Variants in FGD5 observed in about 807,000 individuals in gnomAD.
FGD5 encodes the protein FYVE, RhoGEF and PH domain-containing protein 5.
A neutral mutation model predicts 133.4 loss-of-function variants in FGD5; 28 were observed. That is an observed-to-expected ratio of 0.21 (90% CI 0.16 to 0.29). The LOEUF (loss-of-function observed/expected upper bound fraction) is 0.29. Among genes scored for constraint, FGD5 ranks in the 10% least tolerant of loss-of-function variants. The pLI, the probability that FGD5 is intolerant of heterozygous loss-of-function variation, is 1.00. For missense variants in FGD5, 1,858 were observed against 1,895.2 expected (o/e 0.98, Z 0.36); for synonymous variants, 810 against 776.5 (o/e 1.04, Z -0.72).
intron 19 of FGD5, 141 bp from the exon 20 acceptor site, chr3:14,932,990 G>A: frequency 9.1e-7 from 1 of 1,104,554 alleles, no homozygotes; most frequent in Non-Finnish European, 1.3e-6. Flanking sequence ...TAGAAAACAT[G>A]TTTGAGAAAC....
At chr3:14,811,063 C>G (rs981218190) in intron 1 of FGD5, among the ~76,000 whole-genome samples, 1 of 152,120 alleles carries the variant, frequency 6.6e-6, no homozygotes, top group Non-Finnish European at 1.5e-5. Flanking sequence ...GGGTCCCCGT[C>G]CGAAGCGCCC....
At chr3:14,845,578 A>G (rs978067543) in intron 1 of FGD5, among the ~76,000 whole-genome samples, 2 of 152,248 alleles carry the variant, frequency 1.3e-5, no homozygotes, top group Non-Finnish European at 2.9e-5. Flanking sequence ...GGCAGGGTGG[A>G]GGTAGCAAGA....
chr3:14,915,711 C>A (rs1032057636), intron 11 of FGD5, among the ~76,000 whole-genome samples: 3 of 152,136 alleles, frequency 2.0e-5, no homozygotes, highest in Non-Finnish European at 4.4e-5. Flanking sequence ...GTGTACAGGG[C>A]TCACTTTGGT....
chr3:14,905,434 A>G (rs1056651594), intron 9 of FGD5, among the ~76,000 whole-genome samples: 14 of 151,914 alleles, frequency 9.2e-5, no homozygotes, highest in African/African-American at 3.1e-4. Flanking sequence ...GTCATTCACT[A>G]ATTTTGGGAA....
In FGD5 at chr3:14,820,281, G is replaced by A. The variant is rs778101836; in HGVS notation, c.1210G>A (p.Ala404Thr). 10 of 1,604,694 alleles carry A rather than the reference G, an allele frequency of 6.2e-6. No homozygotes were observed. The highest frequency in any genetic ancestry group is 8.5e-6 in the Non-Finnish European group (10 of 1,175,102). ...CCAGTGTGGCTCCCTACAGGGTGGA[G>A]CGGCCGAGGGTCCCGCAGCCCCTGA... ...CGQCGSLQGG[A>T]AEGPAAPDVV... Residue 404 changes from alanine to threonine, a missense_variant, in exon 1 of 20, where the codon GCG becomes ACG. Transcript: ENST00000285046.
At chr3:14,875,101 TG>T (rs1182774482) in intron 2 of FGD5, among the ~76,000 whole-genome samples, 1 of 152,200 alleles carries the variant, frequency 6.6e-6, no homozygotes. Context: ...CCTGCCCCAG[TG>T]GTCCCCAGGG....
At chr3:14,907,195 A>C (rs6806067) in intron 9 of FGD5, among the ~76,000 whole-genome samples, 74,858 of 152,042 alleles carry the variant, frequency 0.49, 19,055 homozygotes, top group Non-Finnish European at 0.57. Context: ...AACCCAGTGA[A>C]GTACTGACAA....
Position 14,845,002 on chromosome 3 carries a change from G to A in FGD5, c.2526-19126G>A, listed in dbSNP as rs554743748. On this transcript the variant is annotated intron_variant, in intron 1 of 19. Transcript: ENST00000285046. Reference sequence around the variant, plus strand: ...CCTCGGTTCTGGAGTAGCAGGGAAAGGTGGCCACCTCAGCTCAGCTTCTAA... The same window carrying A: ...CCTCGGTTCTGGAGTAGCAGGGAAAAGTGGCCACCTCAGCTCAGCTTCTAA... Among the ~76,000 whole-genome samples the A allele has an allele frequency of 7.2e-5, 11 of 152,220 alleles. No homozygotes were observed. In the East Asian group the frequency reaches 1.9e-3, roughly 27 times the overall value.
intron 1 of FGD5, among the ~76,000 whole-genome samples, chr3:14,834,617 G>A (rs2036779485): frequency 6.6e-6 from 1 of 152,172 alleles, no homozygotes. Flanking sequence ...TTTGATAAGA[G>A]CTATCTGTCA....
At chr3:14,931,884 T>G (rs1342218177) in intron 18 of FGD5, 1 of 152,230 alleles carries the variant, frequency 6.6e-6, no homozygotes, top group Non-Finnish European at 1.5e-5. Context: ...AAGGTGGTCA[T>G]GAGTGCAAAT....
chr3:14,860,605 T>G (rs1323311091), intron 1 of FGD5, among the ~76,000 whole-genome samples: 1 of 152,188 alleles, frequency 6.6e-6, no homozygotes, highest in Non-Finnish European at 1.5e-5. Flanking sequence ...GTGAGGTCTG[T>G]GCACCTCCAA....
intron 11 of FGD5, among the ~76,000 whole-genome samples, chr3:14,915,752 C>G (rs1238344201): frequency 2.6e-5 from 4 of 151,592 alleles, no homozygotes; most frequent in Non-Finnish European, 4.4e-5. Context: ...CAGGGCTCTC[C>G]CTGGTTCATG....
At chr3:14,924,176 A>T (rs1295392478) in intron 17 of FGD5, 38 bp downstream of exon 17, 1 of 1,613,516 alleles carries the variant, frequency 6.2e-7, no homozygotes, top group Non-Finnish European at 8.5e-7. Context: ...GAAGTAGGGC[A>T]TTTGGAAGGT....
Position 14,917,035 on chromosome 3 carries a change from G to A in FGD5, c.3406-214G>A, listed in dbSNP as rs1396117776. On this transcript the variant is annotated intron_variant, in intron 11 of 19. Coordinates refer to ENST00000285046, the MANE Select transcript of FGD5 (RefSeq NM_152536.4). The surrounding 1 kb of genome is among the most constrained non-coding windows in gnomAD (Gnocchi z 4.1). The stretch of plus-strand genomic sequence containing the variant: ...TGAACATACTCACACGACTTCTTGA[G>A]GGCATATGCATTTATTCCTCTCAAG... 6.6e-6 allele frequency among the ~76,000 whole-genome samples: 1 copy of A among 152,160 alleles called. No homozygotes were observed. The highest frequency in any genetic ancestry group is 2.4e-5 in the African/African-American group (1 of 41,436).
intron 1 of FGD5, among the ~76,000 whole-genome samples, chr3:14,854,328 C>G (rs563129279): frequency 1.3e-5 from 2 of 152,224 alleles, no homozygotes; most frequent in East Asian, 3.9e-4. Flanking sequence ...CCAGAATTTC[C>G]TGGAAAGATC....
At position 14,917,988 on chromosome 3, in the gene FGD5, C is replaced by G. The variant is rs2038593904; in HGVS notation, c.3489+656C>G. Among the ~76,000 whole-genome samples the G allele has an allele frequency of 6.6e-6, 1 of 152,222 alleles. No homozygotes were observed. Among genetic ancestry groups the G allele is most frequent in the African/African-American group, 2.4e-5 (1 of 41,464 alleles). On this transcript the variant is annotated intron_variant, in intron 12 of 19. Coordinates refer to ENST00000285046, the MANE Select transcript of FGD5 (RefSeq NM_152536.4). This position sits in a 1 kb window ranked among gnomAD's most constrained non-coding sequence, Gnocchi z 4.1. ...GATCCCTGTCATCTGTAGTATGGGT[C>G]AGAATTTTCCTTCCATTGTGTGGAT...
intron 1 of FGD5, among the ~76,000 whole-genome samples, chr3:14,842,317 C>A (rs780882096): frequency 1.3e-5 from 2 of 152,192 alleles, no homozygotes; most frequent in Non-Finnish European, 2.9e-5. Flanking sequence ...AGGGCCTAGG[C>A]ACAGGCATGG....
chr3:14,822,429 G>A (rs796941648), intron 1 of FGD5, among the ~76,000 whole-genome samples: 11 of 151,732 alleles, frequency 7.2e-5, no homozygotes, highest in African/African-American at 2.7e-4. Flanking sequence ...TGTTTAAAGA[G>A]CTGATGGTGC....
At chr3:14,913,695 C>T (rs910940728) in intron 11 of FGD5, among the ~76,000 whole-genome samples, 1 of 152,222 alleles carries the variant, frequency 6.6e-6, no homozygotes, top group African/African-American at 2.4e-5. Flanking sequence ...GCACCTCTCC[C>T]AGGGACCTTG....
Sources: gnomAD v4.1 joint callset for allele counts (sites outside exome capture counted in the v4.1 genomes callset) on GRCh38, gnomAD v4.1.1 for gene constraint, Gnocchi (gnomAD v3.1) non-coding constraint, MANE v1.5 for transcripts, NCBI Gene and HGNC (gene_info 2026-07-23, HGNC 2026-07-21) for gene names.